The following RPS6KC1 variants were observed in gnomAD, a reference collection of about 807,000 sequenced individuals.
The protein encoded by RPS6KC1 is ribosomal protein S6 kinase C1.
A neutral mutation model predicts 103.8 loss-of-function variants in RPS6KC1; 54 were observed. The observed-to-expected ratio is 0.52, with a 90% CI of 0.42 to 0.65. The LOEUF (loss-of-function observed/expected upper bound fraction) is 0.65, where lower values mean the gene tolerates loss of function less well. RPS6KC1 is among the 30% of genes least tolerant of loss of function. RPS6KC1 has a pLI of 0.00. For missense variants in RPS6KC1, 1,151 were observed against 1,253.8 expected (o/e 0.92, Z 1.24); for synonymous variants, 439 against 438.7 (o/e 1.00, Z -0.01).
chr1:213,228,551 C>T (rs1384205511), intron 8 of RPS6KC1, among the ~76,000 whole-genome samples: 2 of 151,410 alleles, frequency 1.3e-5, no homozygotes, highest in East Asian at 3.9e-4. Flanking sequence ...ATGGTGAGAC[C>T]CCTGTCTTAC....
At chr1:213,235,970 G>T (rs564842886) in intron 10 of RPS6KC1, among the ~76,000 whole-genome samples, 1 of 152,246 alleles carries the variant, frequency 6.6e-6, no homozygotes, top group South Asian at 2.1e-4. Flanking sequence ...GGGTCTCCGG[G>T]CCACAGACGG....
chr1:213,146,032 C>G (rs115289180), intron 6 of RPS6KC1, among the ~76,000 whole-genome samples: 1 of 144,652 alleles, frequency 6.9e-6, no homozygotes, highest in African/African-American at 2.6e-5. Flanking sequence ...GTAACCCCCC[C>G]ACTACCCTTC....
the RPS6KC1 span, among the ~76,000 whole-genome samples, chr1:213,432,569 C>T: frequency 6.6e-6 from 1 of 152,048 alleles, no homozygotes; most frequent in African/African-American, 2.4e-5. Flanking sequence ...GGATAGTAAA[C>T]ATAACCATCA....
intron 4 of RPS6KC1, among the ~76,000 whole-genome samples, chr1:213,105,360 A>G (rs895495366): frequency 1.3e-5 from 2 of 152,000 alleles, no homozygotes; most frequent in Admixed American, 1.3e-4. Flanking sequence ...AAAAAAAGAA[A>G]TCTAAGTGAT....
chr1:213,120,613 T>C (rs573153172), intron 5 of RPS6KC1, among the ~76,000 whole-genome samples: 1 of 152,158 alleles, frequency 6.6e-6, no homozygotes, highest in South Asian at 2.1e-4. Context: ...CAAATGCTTG[T>C]GTTTTGGATT....
chr1:213,135,083 G>A (rs771916223), intron 6 of RPS6KC1, among the ~76,000 whole-genome samples: 5 of 152,132 alleles, frequency 3.3e-5, no homozygotes, highest in Non-Finnish European at 7.4e-5. Context: ...CCTTTATCAT[G>A]TTGAAGAAGT....
At chr1:213,751,984 T>C in the RPS6KC1 span, among the ~76,000 whole-genome samples, 3 of 152,204 alleles carry the variant, frequency 2.0e-5, no homozygotes, top group African/African-American at 4.8e-5. Context: ...TTATTTAACT[T>C]CTTAGAACAG....
At chr1:213,176,862 T>C (rs564425559) in intron 8 of RPS6KC1, among the ~76,000 whole-genome samples, 1 of 152,322 alleles carries the variant, frequency 6.6e-6, no homozygotes, top group East Asian at 1.9e-4. Flanking sequence ...TGGAATCCCC[T>C]TGTAATTACC....
the RPS6KC1 span, among the ~76,000 whole-genome samples, chr1:213,692,662 T>G: frequency 9.1e-4 from 138 of 152,296 alleles, no homozygotes; most frequent in Middle Eastern, 6.8e-3. Context: ...CTTGAGATAT[T>G]ATTCCCTTAC....
the RPS6KC1 span, among the ~76,000 whole-genome samples, chr1:213,288,291 G>A: frequency 6.6e-6 from 1 of 152,142 alleles, no homozygotes; most frequent in Non-Finnish European, 1.5e-5. Context: ...TGAGCATCTG[G>A]GTCGACCCTA....
At chr1:213,193,617 G>A (rs2092830219) in intron 8 of RPS6KC1, among the ~76,000 whole-genome samples, 1 of 151,566 alleles carries the variant, frequency 6.6e-6, no homozygotes, top group South Asian at 2.1e-4. Context: ...GGGGTATTGA[G>A]GTCTATAGTT....
chr1:213,698,156 G>A, the RPS6KC1 span, among the ~76,000 whole-genome samples: 1 of 152,176 alleles, frequency 6.6e-6, no homozygotes, highest in Non-Finnish European at 1.5e-5. Flanking sequence ...TTATCAGGAT[G>A]TAACTCCATC....
chr1:213,454,196 T>G, the RPS6KC1 span, among the ~76,000 whole-genome samples: 3 of 152,156 alleles, frequency 2.0e-5, no homozygotes, highest in Non-Finnish European at 4.4e-5. Flanking sequence ...CAACTCTATC[T>G]TAGAGTCCTT....
the RPS6KC1 span, among the ~76,000 whole-genome samples, chr1:213,427,344 G>A: frequency 1.8e-4 from 28 of 152,150 alleles, no homozygotes; most frequent in African/African-American, 6.5e-4. Context: ...TTTTTTGTAG[G>A]TCTCTGTTTA....
chr1:213,296,027 T>TA, the RPS6KC1 span, among the ~76,000 whole-genome samples: 337 of 152,132 alleles, frequency 2.2e-3, 9 homozygotes, highest in East Asian at 0.056. Context: ...TTTATACCAG[T>TA]AAAAAAAATG....
At chr1:213,358,190 A>C in the RPS6KC1 span, among the ~76,000 whole-genome samples, 1 of 151,572 alleles carries the variant, frequency 6.6e-6, no homozygotes, top group East Asian at 1.9e-4. Flanking sequence ...TATTGATTGG[A>C]ATAGTTTCAG....
rs552191443 is a variant in RPS6KC1 at position 213,185,657 on chromosome 1, GA to G, written c.1044+9175del. ...ACAGAGCAAGACTCTGTCTCAAAAA[GA>G]AAAAAAAAATTTAAATTCAGTATTA... is the stretch of plus-strand genomic sequence containing the variant. On this transcript the variant is annotated intron_variant, in intron 8 of 14. Coordinates refer to ENST00000366960, the MANE Select transcript of RPS6KC1 (RefSeq NM_012424.6). Among the ~76,000 whole-genome samples, 31 of 146,182 alleles carry G rather than the reference GA, an allele frequency of 2.1e-4. No homozygotes were observed. The East Asian group carries it at 2.6e-3, about 12-fold the overall frequency.
chr1:213,303,005 C>G, the RPS6KC1 span, among the ~76,000 whole-genome samples: 1 of 151,866 alleles, frequency 6.6e-6, no homozygotes, highest in Non-Finnish European at 1.5e-5. Flanking sequence ...GCGTTTTTAA[C>G]AAGATCCCCG....
chr1:213,339,038 T>C, the RPS6KC1 span, among the ~76,000 whole-genome samples: 5 of 152,012 alleles, frequency 3.3e-5, no homozygotes, highest in Admixed American at 1.3e-4. Context: ...CCAAGGCAGG[T>C]GGATCACCTG....
Sources: allele counts gnomAD v4.1 joint callset (sites outside exome capture counted in the v4.1 genomes callset), GRCh38; gene constraint gnomAD v4.1.1; transcripts MANE v1.5; gene names NCBI Gene and HGNC (gene_info 2026-07-23, HGNC 2026-07-21).